SERPINI1: variants seen among roughly 807,000 people sequenced by gnomAD.
The protein encoded by SERPINI1 is neuroserpin.
Under a neutral mutation model 41.1 loss-of-function variants are expected in SERPINI1, and 19 were observed. The ratio of observed to expected loss-of-function variants is 0.46; its 90% CI spans 0.32 to 0.68. The LOEUF (loss-of-function observed/expected upper bound fraction) is 0.68, where lower values mean the gene tolerates loss of function less well. SERPINI1 is among the 30% of genes least tolerant of loss of function. The pLI, the probability that SERPINI1 is intolerant of heterozygous loss-of-function variation, is 0.03. For missense variants in SERPINI1, 460 were observed against 479.2 expected (o/e 0.96, Z 0.37); for synonymous variants, 138 against 156.6 (o/e 0.88, Z 0.89).
intron 6 of SERPINI1, among the ~76,000 whole-genome samples, chr3:167,819,576 G>A (rs961792075): frequency 5.3e-5 from 8 of 152,144 alleles, no homozygotes; most frequent in Admixed American, 5.2e-4. Context: ...ATCTGAGGAA[G>A]TAATATTCCC....
chr3:167,792,200 C>T (rs930477970), intron 3 of SERPINI1, among the ~76,000 whole-genome samples: 6 of 152,092 alleles, frequency 3.9e-5, no homozygotes, highest in Non-Finnish European at 7.4e-5. Context: ...AAGAGTTTTA[C>T]ATGCATCATT....
At chr3:167,786,250 C>A (rs1229019929) in intron 1 of SERPINI1, among the ~76,000 whole-genome samples, 1 of 152,218 alleles carries the variant, frequency 6.6e-6, no homozygotes, top group Non-Finnish European at 1.5e-5. Context: ...CGCCTGTAAT[C>A]CCAGCACTTT....
At chr3:167,766,507 T>G (rs1260634696) in intron 1 of SERPINI1, among the ~76,000 whole-genome samples, 1 of 152,152 alleles carries the variant, frequency 6.6e-6, no homozygotes, top group African/African-American at 2.4e-5. Context: ...GTGCTACAAC[T>G]TGAGATTTGG....
intron 1 of SERPINI1, among the ~76,000 whole-genome samples, chr3:167,774,598 G>A (rs1280761474): frequency 2.0e-5 from 3 of 152,112 alleles, no homozygotes; most frequent in South Asian, 2.1e-4. Context: ...GTGGGCAAGC[G>A]AGAATTACCA....
chr3:167,819,082 A>G (rs1464755301), intron 6 of SERPINI1, among the ~76,000 whole-genome samples: 2 of 152,220 alleles, frequency 1.3e-5, no homozygotes, highest in Non-Finnish European at 2.9e-5. Flanking sequence ...AAAATAATAC[A>G]GCATCAAATA....
At chr3:167,739,548 G>A (rs1277581101) in intron 1 of SERPINI1, among the ~76,000 whole-genome samples, 1 of 152,164 alleles carries the variant, frequency 6.6e-6, no homozygotes, top group Admixed American at 6.5e-5. Flanking sequence ...ATATATAGGC[G>A]AGGGTAAAGG....
intron 1 of SERPINI1, among the ~76,000 whole-genome samples, chr3:167,786,818 C>T (rs1437020473): frequency 6.6e-6 from 1 of 151,938 alleles, no homozygotes. Flanking sequence ...GTAATGCCAC[C>T]ACATCTGGCT....
intron 1 of SERPINI1, among the ~76,000 whole-genome samples, chr3:167,763,387 G>T (rs1726450455): frequency 6.6e-6 from 1 of 151,682 alleles, no homozygotes; most frequent in Non-Finnish European, 1.5e-5. Context: ...GTATGTGTGT[G>T]TGTGTGTGTT....
chr3:167,807,192 C>T, intron 5 of SERPINI1, 52 bp from the exon 6 acceptor site: 1 of 1,153,394 alleles, frequency 8.7e-7, no homozygotes, highest in Non-Finnish European at 1.3e-6. Context: ...TGTTCTTGTT[C>T]CAGGTAACAA....
chr3:167,784,469 G>A (rs1301151030), intron 1 of SERPINI1, among the ~76,000 whole-genome samples: 1 of 152,126 alleles, frequency 6.6e-6, no homozygotes, highest in Non-Finnish European at 1.5e-5. Flanking sequence ...GTATTAGTCC[G>A]TTCTCACACG....
intron 5 of SERPINI1, among the ~76,000 whole-genome samples, chr3:167,803,848 C>CA: frequency 6.6e-6 from 1 of 152,194 alleles, no homozygotes; most frequent in Non-Finnish European, 1.5e-5. Flanking sequence ...CAGGTTATTT[C>CA]ATCTTTCTGC....
intron 1 of SERPINI1, among the ~76,000 whole-genome samples, chr3:167,740,209 T>TAA (rs1725633370): frequency 6.6e-6 from 1 of 152,094 alleles, no homozygotes; most frequent in Non-Finnish European, 1.5e-5. Context: ...ATTTTAACTT[T>TAA]TTATAGAGAT....
At position 167,824,983 on chromosome 3, in the gene SERPINI1, GT is replaced by G. The variant is rs796337473; in HGVS notation, c.1157-262del. Reference sequence around the variant, plus strand: ...GAATGCTTGAGCTCAGGAGTTCACAGTTACAGTAAGCTCTGATAGAGCCACT... The same window carrying G: ...GAATGCTTGAGCTCAGGAGTTCACAGTACAGTAAGCTCTGATAGAGCCACT... On this transcript the variant is annotated intron_variant, in intron 8 of 8. Coordinates refer to ENST00000446050, the MANE Select transcript of SERPINI1 (RefSeq NM_001122752.2). 3.2e-4 allele frequency among the ~76,000 whole-genome samples: 48 copies of G among 152,048 alleles called. 1 individual carries two copies. Among genetic ancestry groups the G allele is most frequent in the African/African-American group, 1.2e-3 (48 of 41,488 alleles).
chr3:167,787,944 T>C (rs1033601634), intron 1 of SERPINI1, among the ~76,000 whole-genome samples: 5 of 152,244 alleles, frequency 3.3e-5, no homozygotes, highest in Non-Finnish European at 7.3e-5. Context: ...TAAATGTGTA[T>C]GTACTCTGTT....
Position 167,792,657 on chromosome 3 carries a change from T to C in SERPINI1, c.549T>C (p.Ala183=). The C allele has an allele frequency of 6.2e-7, 1 of 1,613,866 alleles. No individual in the cohort carries two copies. The highest frequency in any genetic ancestry group is 2.2e-5 in the East Asian group (1 of 44,848). Reference sequence around the variant, plus strand: ...CCACTTATCTGGCCCTCATTAATGCTGTCTATTTCAAGGGGAACTGGAAGT... The same window carrying C: ...CCACTTATCTGGCCCTCATTAATGCCGTCTATTTCAAGGGGAACTGGAAGT... ...DAATYLALIN[A]VYFKGNWKSQ... Residue 183 remains alanine, a synonymous_variant, in exon 4 of 9, where the codon GCT becomes GCC. Transcript: ENST00000446050.
Position 167,790,443 on chromosome 3 carries a change from A to G in SERPINI1, c.322A>G (p.Ile108Val). 1 of 1,614,086 alleles carries G rather than the reference A, an allele frequency of 6.2e-7. No homozygotes were observed. The highest frequency in any genetic ancestry group is 8.5e-7 in the Non-Finnish European group (1 of 1,179,948). ...TAKESQYVMKIANSLFVQNGF... is the reference protein window; with the variant it reads ...TAKESQYVMKVANSLFVQNGF... ...TAAAGAGAGCCAATATGTGATGAAA[A>G]TTGCCAATTCCTTGTTTGTGCAAAA... Residue 108 changes from isoleucine to valine, a missense_variant, in exon 3 of 9, where the codon ATT becomes GTT. Physicochemically the swap from Ile to Val is conservative, Grantham distance 29. Transcript: ENST00000446050.
intron 3 of SERPINI1, among the ~76,000 whole-genome samples, chr3:167,790,953 A>C (rs1479384774): frequency 1.3e-5 from 2 of 152,132 alleles, no homozygotes; most frequent in Admixed American, 6.6e-5. Flanking sequence ...TTTCATAACA[A>C]TGTGATTAAA....
intron 1 of SERPINI1, among the ~76,000 whole-genome samples, chr3:167,772,864 C>CTCTATATATA (rs1374013676): frequency 1.1e-3 from 27 of 24,648 alleles, no homozygotes; most frequent in East Asian, 6.8e-3. Flanking sequence ...CTCTCTCTCT[C>CTCTATATATA]TATATATATA....
At chr3:167,797,517 T>C (rs1727753798) in intron 5 of SERPINI1, among the ~76,000 whole-genome samples, 1 of 152,166 alleles carries the variant, frequency 6.6e-6, no homozygotes, top group Admixed American at 6.5e-5. Flanking sequence ...GAGTTAACTT[T>C]TGTATAAGGT....
Sources: gnomAD v4.1 joint callset for allele counts (sites outside exome capture counted in the v4.1 genomes callset) on GRCh38, gnomAD v4.1.1 for gene constraint, MANE v1.5 for transcripts, NCBI Gene and HGNC (gene_info 2026-07-23, HGNC 2026-07-21) for gene names.